PRKCH: variants seen among roughly 807,000 people sequenced by gnomAD.
PRKCH encodes protein kinase C eta, also known as protein kinase C eta type.
A neutral mutation model predicts 82.5 loss-of-function variants in PRKCH; 28 were observed. The observed-to-expected ratio is 0.34, with a 90% CI of 0.25 to 0.47. PRKCH has a LOEUF of 0.47. Among genes scored for constraint, PRKCH ranks in the 20% least tolerant of loss-of-function variants. The pLI, the probability that PRKCH is intolerant of heterozygous loss-of-function variation, is 1.00. For synonymous variants in PRKCH, 322 were observed against 327.4 expected, an observed-to-expected ratio of 0.98 and a Z score of 0.18; for missense variants, 705 against 881.8, an observed-to-expected ratio of 0.80 and a Z score of 2.54.
At chr14:61,518,964 C>T (rs968117936) in intron 10 of PRKCH, among the ~76,000 whole-genome samples, 1 of 152,088 alleles carries the variant, frequency 6.6e-6, no homozygotes, top group Non-Finnish European at 1.5e-5. Flanking sequence ...AGGAGTGTGC[C>T]ACCATACCTG....
chr14:61,259,957 A>T (rs1377777651), intron 1 of PRKCH, among the ~76,000 whole-genome samples: 1 of 152,210 alleles, frequency 6.6e-6, no homozygotes, highest in Non-Finnish European at 1.5e-5. Context: ...CCGAGCCTTC[A>T]TCTGGACCAG....
intron 10 of PRKCH, among the ~76,000 whole-genome samples, chr14:61,491,997 T>C (rs1886467962): frequency 6.6e-6 from 1 of 152,050 alleles, no homozygotes; most frequent in African/African-American, 2.4e-5. Flanking sequence ...ATGGAAGATT[T>C]TTATAAGGAA....
At chr14:61,515,002 C>G (rs1182485595) in intron 10 of PRKCH, among the ~76,000 whole-genome samples, 1 of 152,162 alleles carries the variant, frequency 6.6e-6, no homozygotes, top group Admixed American at 6.5e-5. Context: ...TAAAAATATT[C>G]ATAGATTCAG....
chr14:61,443,469 T>C (rs1241762214), intron 3 of PRKCH, among the ~76,000 whole-genome samples: 1 of 152,244 alleles, frequency 6.6e-6, no homozygotes, highest in Non-Finnish European at 1.5e-5. Context: ...TTAGATACCA[T>C]TTCTTTTTAA....
At chr14:61,242,167 G>A (rs1020471513) in intron 1 of PRKCH, among the ~76,000 whole-genome samples, 18 of 152,168 alleles carry the variant, frequency 1.2e-4, no homozygotes, top group Admixed American at 1.0e-3. Context: ...TACTCTTAGA[G>A]TGACAATGGA....
chr14:61,350,703 C>T (rs571857307), intron 1 of PRKCH, among the ~76,000 whole-genome samples: 4 of 152,180 alleles, frequency 2.6e-5, no homozygotes, highest in Non-Finnish European at 4.4e-5. Context: ...CTTTACCCAG[C>T]ATCCCTGGGG....
chr14:61,417,193 A>T (rs948890309), intron 2 of PRKCH, among the ~76,000 whole-genome samples: 3 of 152,224 alleles, frequency 2.0e-5, no homozygotes, highest in African/African-American at 7.2e-5. Context: ...CATTATTTCC[A>T]GAGGCGAGAC....
chr14:61,494,616 G>A (rs943281649), intron 10 of PRKCH, among the ~76,000 whole-genome samples: 1 of 152,178 alleles, frequency 6.6e-6, no homozygotes, highest in African/African-American at 2.4e-5. Flanking sequence ...AAATCAGATG[G>A]AAGTGGAAAT....
chr14:61,308,920 C>T lies in PRKCH; in HGVS notation c.-19+121252C>T, dbSNP rs886413140. On this transcript the variant is annotated intron_variant, in intron 1 of 3. Coordinates refer to the PRKCH transcript ENST00000555185. Reference sequence around the variant, plus strand: ...CTGGGATTACAGGCATAAGACATCACGTCCAGCCTCCTGCATATTTAGAAT... The same window carrying T: ...CTGGGATTACAGGCATAAGACATCATGTCCAGCCTCCTGCATATTTAGAAT... Among the ~76,000 whole-genome samples the T allele has an allele frequency of 1.8e-4, 27 of 151,912 alleles. 2 individuals carry two copies. Among genetic ancestry groups the T allele is most frequent in the African/African-American group, 6.1e-4 (25 of 41,190 alleles).
chr14:61,413,603 C>T (rs529041509), intron 2 of PRKCH, among the ~76,000 whole-genome samples: 1 of 152,210 alleles, frequency 6.6e-6, no homozygotes, highest in Non-Finnish European at 1.5e-5. Flanking sequence ...ACCTGTGCTT[C>T]CTCACGAACT....
At chr14:61,454,379 A>G (rs992207161) in intron 7 of PRKCH, among the ~76,000 whole-genome samples, 1 of 152,204 alleles carries the variant, frequency 6.6e-6, no homozygotes, top group Admixed American at 6.5e-5. Context: ...CTGGAATTAC[A>G]GGCATGAGCT....
rs372552734 is a variant in PRKCH, at chr14:61,457,274, C to A, written c.1059C>A (p.Asp353Glu). Residue 353 changes from aspartate to glutamate, a missense_variant, in exon 8 of 14, where the codon GAC becomes GAA. Asp to Glu is a conservative substitution (Grantham distance 45). This residue lies in a region of PRKCH where 238 missense variants were observed against 258.1 expected (regional missense o/e 0.92). Transcript: ENST00000332981. ...GVNSSNRLGIDNFEFIRVLGK... is the reference protein window; with the variant it reads ...GVNSSNRLGIENFEFIRVLGK... ...ATTCTTCCAACCGACTTGGTATCGA[C>A]AACTTTGAGTTCATCCGAGTGTTGG... is the stretch of plus-strand genomic sequence containing the variant. 6.3e-5 allele frequency: 101 copies of A among 1,614,070 alleles called. No individual in the cohort carries two copies. The highest frequency in any genetic ancestry group is 7.9e-5 in the Non-Finnish European group (93 of 1,180,038).
intron 4 of PRKCH, 147 bp downstream of exon 4, chr14:61,445,873 T>TG: frequency 7.4e-6 from 6 of 810,496 alleles, no homozygotes; most frequent in Non-Finnish European, 1.2e-5. Flanking sequence ...GATACAACTC[T>TG]TTAGTTTGGT....
intron 10 of PRKCH, among the ~76,000 whole-genome samples, chr14:61,507,633 G>T (rs1887207963): frequency 6.6e-6 from 1 of 152,138 alleles, no homozygotes; most frequent in Admixed American, 6.5e-5. Flanking sequence ...GTGTGGATGG[G>T]CCTGGAGGAG....
intron 10 of PRKCH, among the ~76,000 whole-genome samples, chr14:61,494,245 C>T (rs1174068532): frequency 1.3e-5 from 2 of 152,078 alleles, no homozygotes; most frequent in Admixed American, 6.6e-5. Flanking sequence ...CAGTGTGAGT[C>T]AAGGACAGAA....
At chr14:61,197,714 G>T (rs1164050340) in intron 1 of PRKCH, among the ~76,000 whole-genome samples, 1 of 152,106 alleles carries the variant, frequency 6.6e-6, no homozygotes, top group Non-Finnish European at 1.5e-5. Context: ...TGCCACGTTG[G>T]GGATTAAGTT....
chr14:61,279,851 T>C, intron 1 of PRKCH: 1 of 522,380 alleles, frequency 1.9e-6, no homozygotes. Context: ...CTCAGTGTCG[T>C]GAAGGAGGTG....
At chr14:61,479,682 T>A (rs1193388304) in intron 9 of PRKCH, among the ~76,000 whole-genome samples, 2 of 152,216 alleles carry the variant, frequency 1.3e-5, no homozygotes, top group African/African-American at 2.4e-5. Flanking sequence ...TGCACCTTAC[T>A]TATACTGACA....
At chr14:61,198,673 C>G (rs546572872) in intron 1 of PRKCH, among the ~76,000 whole-genome samples, 71 of 152,150 alleles carry the variant, frequency 4.7e-4, no homozygotes, top group African/African-American at 1.4e-3. Flanking sequence ...TGAAGGAGTA[C>G]ATTAGTCAGA....
Sources: gnomAD v4.1 joint callset for allele counts (sites outside exome capture counted in the v4.1 genomes callset) on GRCh38, gnomAD v4.1.1 for gene constraint, gnomAD v4.1.1 regional missense constraint, MANE v1.5 for transcripts, NCBI Gene and HGNC (gene_info 2026-07-23, HGNC 2026-07-21) for gene names.